DGKI: variants seen among roughly 807,000 people sequenced by gnomAD.
The protein encoded by DGKI is DAG kinase iota.
Under a neutral mutation model 147.5 loss-of-function variants are expected in DGKI, and 55 were observed. That is an observed-to-expected ratio of 0.37 (90% CI 0.30 to 0.47). DGKI has a LOEUF of 0.47. DGKI is among the 20% of genes least tolerant of loss of function. The pLI is 1.00. For missense variants in DGKI, 1,007 were observed against 1,323.8 expected, an observed-to-expected ratio of 0.76 and a Z score of 3.71; for synonymous variants, 469 against 477.1, an observed-to-expected ratio of 0.98 and a Z score of 0.22.
At chr7:137,469,649 T>C in intron 23 of DGKI, 30 bp from the exon 24 acceptor site, 1 of 1,603,944 alleles carries the variant, frequency 6.2e-7, no homozygotes, top group African/African-American at 1.3e-5. Flanking sequence ...CTCTAGTGGC[T>C]GCATTTCAAT....
chr7:137,839,987 A>G (rs142625267), intron 1 of DGKI, among the ~76,000 whole-genome samples: 130 of 152,320 alleles, frequency 8.5e-4, no homozygotes, highest in African/African-American at 2.8e-3. Flanking sequence ...TAACATTCAT[A>G]TGCAAAGATC....
chr7:137,690,860 A>G (rs1823578947), intron 1 of DGKI, among the ~76,000 whole-genome samples: 1 of 152,164 alleles, frequency 6.6e-6, no homozygotes, highest in Admixed American at 6.5e-5. Context: ...AAGAAGAAAA[A>G]AAAAGCAGAG....
chr7:137,746,553 G>GTTGTTTGT (rs3839666), intron 1 of DGKI, among the ~76,000 whole-genome samples: 113 of 152,118 alleles, frequency 7.4e-4, no homozygotes, highest in African/African-American at 2.6e-3. Flanking sequence ...ATCCAGAGAT[G>GTTGTTTGT]TTGTTTGTTT....
intron 7 of DGKI, among the ~76,000 whole-genome samples, chr7:137,622,362 C>T (rs1218373509): frequency 6.6e-6 from 1 of 152,070 alleles, no homozygotes; most frequent in African/African-American, 2.4e-5. Flanking sequence ...TTTCTGCAAA[C>T]CTTTAACCTC....
At chr7:137,477,285 A>T (rs891155751) in intron 23 of DGKI, among the ~76,000 whole-genome samples, 1 of 152,208 alleles carries the variant, frequency 6.6e-6, no homozygotes, top group Admixed American at 6.5e-5. Flanking sequence ...AGAAAAATCC[A>T]ATTACAGATT....
chr7:137,503,920 T>C (rs909653437), intron 21 of DGKI, among the ~76,000 whole-genome samples: 2 of 152,172 alleles, frequency 1.3e-5, no homozygotes, highest in Non-Finnish European at 2.9e-5. Flanking sequence ...CCCAAACCAA[T>C]TTCAGCAGAC....
chr7:137,846,353 G>A lies in DGKI; in HGVS notation c.401+109C>T, dbSNP rs1376668533. The A allele has an allele frequency of 8.2e-6, 5 of 610,228 alleles. No homozygotes were observed. The highest frequency in any genetic ancestry group is 1.3e-5 in the Non-Finnish European group (5 of 371,676). 37.8% of individuals were successfully genotyped at this position (610,228 alleles called of 1,614,324 possible). ...GAGAGGGGGAAAGGGGGAAGGAGAG[G>A]CGTGGAAACAGAGAGGTGCCCAACT... is the stretch of plus-strand genomic sequence containing the variant. On this transcript the variant is annotated intron_variant, in intron 1 of 32. Coordinates refer to ENST00000614521, the MANE Select transcript of DGKI (RefSeq NM_001321708.2). The surrounding 1 kb of genome is among the most constrained non-coding windows in gnomAD (Gnocchi z 4.0).
chr7:137,759,324 G>C (rs2116796725), intron 1 of DGKI, among the ~76,000 whole-genome samples: 1 of 151,514 alleles, frequency 6.6e-6, no homozygotes, highest in Non-Finnish European at 1.5e-5. Context: ...TTCTATGGCT[G>C]CTCTACATTC....
At chr7:137,558,761 G>A (rs1412943018) in intron 19 of DGKI, among the ~76,000 whole-genome samples, 3 of 125,216 alleles carry the variant, frequency 2.4e-5, no homozygotes, top group South Asian at 2.7e-4. Context: ...CAGAACTAGC[G>A]TTTTATGAAA....
At chr7:137,711,781 C>A (rs1230925002) in intron 1 of DGKI, among the ~76,000 whole-genome samples, 1 of 150,134 alleles carries the variant, frequency 6.7e-6, no homozygotes, top group East Asian at 2.0e-4. Context: ...GCAACCTACG[C>A]CTCCTGGGTT....
chr7:137,621,091 T>A (rs1434945252), intron 7 of DGKI, among the ~76,000 whole-genome samples: 2 of 152,234 alleles, frequency 1.3e-5, no homozygotes, highest in Non-Finnish European at 2.9e-5. Context: ...TTTGTTTTCA[T>A]TTCTACATGT....
chr7:137,614,188 T>A (rs1192314166), intron 8 of DGKI, among the ~76,000 whole-genome samples: 3 of 152,120 alleles, frequency 2.0e-5, no homozygotes, highest in African/African-American at 7.2e-5. Flanking sequence ...GAATGGAGGA[T>A]CCATTTTATA....
chr7:137,697,299 T>C (rs113442902), intron 1 of DGKI, among the ~76,000 whole-genome samples: 1,619 of 152,308 alleles, frequency 0.011, 17 homozygotes, highest in South Asian at 0.043. Flanking sequence ...CTTCCCATAA[T>C]AATGCTACCC....
intron 1 of DGKI, among the ~76,000 whole-genome samples, chr7:137,841,363 A>G (rs774364379): frequency 6.6e-6 from 1 of 152,262 alleles, no homozygotes; most frequent in Non-Finnish European, 1.5e-5. Flanking sequence ...ACAATTAGAA[A>G]TCAGCCCATT....
In DGKI at chr7:137,387,956, G is replaced by A. The variant is rs1811227645; in HGVS notation, c.*3264C>T. The stretch of plus-strand genomic sequence containing the variant: ...CCAGATGAAAATGAAGTGATGTTGA[G>A]TAGCTCCCAGCACAGGCAGATCTGC... On this transcript the variant is annotated 3_prime_UTR_variant, in exon 33 of 33. Transcript: ENST00000614521. 1 of 152,164 alleles carries A rather than the reference G, an allele frequency of 6.6e-6. No homozygotes were observed. Among genetic ancestry groups the A allele is most frequent in the Non-Finnish European group, 1.5e-5 (1 of 68,026 alleles). 9.4% of individuals were successfully genotyped at this position (152,164 alleles called of 1,614,324 possible).
intron 12 of DGKI, 99 bp from the exon 13 acceptor site, chr7:137,587,309 G>A: frequency 1.2e-6 from 1 of 846,842 alleles, no homozygotes; most frequent in East Asian, 3.1e-5. Flanking sequence ...TAAACAGAAT[G>A]GTTTTATTTT....
intron 3 of DGKI, among the ~76,000 whole-genome samples, chr7:137,663,972 C>G (rs1228761587): frequency 6.6e-6 from 1 of 152,074 alleles, no homozygotes; most frequent in Non-Finnish European, 1.5e-5. Context: ...CATTAGGAGA[C>G]AAAACCCCCA....
chr7:137,842,150 A>G (rs917514334), intron 1 of DGKI, among the ~76,000 whole-genome samples: 4 of 152,232 alleles, frequency 2.6e-5, no homozygotes, highest in Non-Finnish European at 4.4e-5. Flanking sequence ...CACGGATAAA[A>G]ACAAAATAAA....
chr7:137,521,744 T>C, intron 21 of DGKI, 122 bp downstream of exon 21: 1 of 714,196 alleles, frequency 1.4e-6, no homozygotes, highest in South Asian at 1.6e-5. Context: ...TGTGTTTCAC[T>C]TCACTTCTCT....
Sources: gnomAD v4.1 joint callset for allele counts (sites outside exome capture counted in the v4.1 genomes callset) on GRCh38, gnomAD v4.1.1 for gene constraint, Gnocchi (gnomAD v3.1) non-coding constraint, MANE v1.5 for transcripts, NCBI Gene and HGNC (gene_info 2026-07-23, HGNC 2026-07-21) for gene names.